The following ANKRD28 variants were observed in gnomAD, a reference collection of about 807,000 sequenced individuals.
The protein encoded by ANKRD28 is serine/threonine-protein phosphatase 6 regulatory ankyrin repeat subunit A.
In ANKRD28, 44 loss-of-function variants were observed where a neutral mutation model predicts 126.5. The ratio of observed to expected loss-of-function variants is 0.35; its 90% CI spans 0.27 to 0.45. ANKRD28 has a LOEUF of 0.45. ANKRD28 is among the 20% of genes least tolerant of loss of function. ANKRD28 has a pLI of 1.00. For synonymous variants in ANKRD28, 442 were observed against 468.5 expected, an observed-to-expected ratio of 0.94 and a Z score of 0.73; for missense variants, 1,110 against 1,316.6, an observed-to-expected ratio of 0.84 and a Z score of 2.43.
chr3:15,678,203 C>T lies in ANKRD28; in HGVS notation c.2707+6G>A. 1 of 1,603,950 alleles carries T rather than the reference C, an allele frequency of 6.2e-7. No homozygotes were observed. The highest frequency in any genetic ancestry group is 8.5e-7 in the Non-Finnish European group (1 of 1,177,158). On this transcript the variant is annotated splice_donor_region_variant and intron_variant, in intron 24 of 27. Coordinates refer to ENST00000683139, the MANE Select transcript of ANKRD28 (RefSeq NM_001349278.2). ...GGAAAATACAATTTTAAAGAAGTTT[C>T]TTTACCAACTGTATTTGTTTGTCCA...
chr3:15,776,296 C>T (rs148025157), intron 2 of ANKRD28, among the ~76,000 whole-genome samples: 83 of 152,160 alleles, frequency 5.5e-4, no homozygotes, highest in Middle Eastern at 3.4e-3. Flanking sequence ...TATAGAAATG[C>T]ACGCTTATGT....
At chr3:15,859,280 C>T in intron 1 of ANKRD28, 6 of 1,480,200 alleles carry the variant, frequency 4.1e-6, no homozygotes, top group Non-Finnish European at 5.4e-6. Context: ...TCGCAACCAC[C>T]CCGCCGAGCG....
At chr3:15,827,719 C>T (rs1345760124) in intron 1 of ANKRD28, among the ~76,000 whole-genome samples, 2 of 151,930 alleles carry the variant, frequency 1.3e-5, no homozygotes, top group Non-Finnish European at 2.9e-5. Flanking sequence ...CCACAGGCAA[C>T]AAAAGAAAAA....
At chr3:15,727,172 G>T (rs1440266711) in intron 6 of ANKRD28, among the ~76,000 whole-genome samples, 2 of 152,154 alleles carry the variant, frequency 1.3e-5, no homozygotes, top group Non-Finnish European at 2.9e-5. Context: ...AACTTTCAAA[G>T]TCTTATTATT....
intron 1 of ANKRD28, among the ~76,000 whole-genome samples, chr3:15,850,202 A>T (rs199929638): frequency 0.22 from 12,030 of 53,984 alleles, 1,464 homozygotes; most frequent in East Asian, 0.64. Context: ...AAAAAAAAAA[A>T]AAATATATAT....
rs2060746814 is a variant in ANKRD28 at position 15,812,915 on chromosome 3, G to A, written c.28-17609C>T. 6.6e-6 allele frequency among the ~76,000 whole-genome samples: 1 copy of A among 152,032 alleles called. No homozygotes were observed. The highest frequency in any genetic ancestry group is 6.6e-5 in the Admixed American group (1 of 15,260). On this transcript the variant is annotated intron_variant, in intron 1 of 27. Coordinates refer to the ANKRD28 transcript ENST00000399451. The surrounding 1 kb of genome is among the most constrained non-coding windows in gnomAD (Gnocchi z 4.1). ...TCTAAAAGGAACATGAATCCTGAAT[G>A]TGACCCGATTCACTCCAATTTGAAG...
At chr3:15,806,744 A>C (rs2060589239) in intron 1 of ANKRD28, among the ~76,000 whole-genome samples, 1 of 150,996 alleles carries the variant, frequency 6.6e-6, no homozygotes, top group African/African-American at 2.4e-5. Context: ...CTGCTCTTGA[A>C]CTCCTGACCT....
At chr3:15,738,429 G>C (rs965073308) in intron 4 of ANKRD28, 1 of 152,240 alleles carries the variant, frequency 6.6e-6, no homozygotes, top group Non-Finnish European at 1.5e-5. Context: ...GAGGCAGGGC[G>C]AGATCACAGG....
chr3:15,858,060 T>G (rs1261892896), intron 1 of ANKRD28, among the ~76,000 whole-genome samples: 3 of 152,242 alleles, frequency 2.0e-5, no homozygotes, highest in Non-Finnish European at 4.4e-5. Context: ...TGCTGTCCAG[T>G]AGAACTATCT....
intron 17 of ANKRD28, among the ~76,000 whole-genome samples, chr3:15,692,730 A>G (rs2068973236): frequency 6.6e-6 from 1 of 152,232 alleles, no homozygotes; most frequent in African/African-American, 2.4e-5. Flanking sequence ...ATGAAATGCA[A>G]AAGTGGTGGT....
rs2066041765 is a variant in ANKRD28, at chr3:15,667,479, G to C, written c.*2791C>G. 6.6e-6 allele frequency: 1 copy of C among 152,174 alleles called. No homozygotes were observed. Among genetic ancestry groups the C allele is most frequent in the Non-Finnish European group, 1.5e-5 (1 of 68,030 alleles). 9.4% of individuals were successfully genotyped at this position (152,174 alleles called of 1,614,324 possible). ...ATCTTTTATGTATAAGTTAAATAAA[G>C]CAAACAGGCTTTTCTACTCTGTGTG... On this transcript the variant is annotated 3_prime_UTR_variant, in exon 28 of 28. Coordinates refer to ENST00000683139, the MANE Select transcript of ANKRD28 (RefSeq NM_001349278.2).
chr3:15,714,532 G>GGA (rs556949925), intron 9 of ANKRD28, 46 bp downstream of exon 9: 15 of 1,085,198 alleles, frequency 1.4e-5, no homozygotes, highest in East Asian at 9.6e-5. Context: ...CTACATTTAA[G>GGA]AAAAAAAAAA....
intron 2 of ANKRD28, 27 bp from the exon 3 acceptor site, chr3:15,766,339 TAA>T (rs776165482): frequency 6.4e-7 from 1 of 1,553,014 alleles, no homozygotes; most frequent in Non-Finnish European, 8.8e-7. Context: ...AGGTGGGAAA[TAA>T]GTTTTAAAAT....
chr3:15,808,785 C>A (rs187118291), intron 1 of ANKRD28, among the ~76,000 whole-genome samples: 2 of 152,074 alleles, frequency 1.3e-5, no homozygotes, highest in South Asian at 2.1e-4. Flanking sequence ...TTAATTGTTT[C>A]GACCCACTGC....
In ANKRD28 at chr3:15,826,220, T is replaced by C. The variant is rs187825972; in HGVS notation, c.28-30914A>G. ...AAATAGATAAACAGCAGTTTATTTGTATCAGATATACAGCAACTATTATTT... is the reference window on the plus strand; with the variant it reads ...AAATAGATAAACAGCAGTTTATTTGCATCAGATATACAGCAACTATTATTT... On this transcript the variant is annotated intron_variant, in intron 1 of 27. Coordinates refer to the ANKRD28 transcript ENST00000399451. Among the ~76,000 whole-genome samples the C allele has an allele frequency of 5.3e-5, 8 of 152,362 alleles. No individual in the cohort carries two copies. The South Asian group carries it at 8.3e-4, about 16-fold the overall frequency.
intron 2 of ANKRD28, among the ~76,000 whole-genome samples, chr3:15,789,682 T>C (rs1226324366): frequency 2.0e-5 from 3 of 152,092 alleles, no homozygotes; most frequent in Non-Finnish European, 2.9e-5. Flanking sequence ...TCAATTATTA[T>C]ATCTGTGGCC....
At position 15,670,183 on chromosome 3, in the gene ANKRD28, G is replaced by T; in HGVS notation, c.*87C>A. On this transcript the variant is annotated 3_prime_UTR_variant, in exon 28 of 28. Coordinates refer to ENST00000683139, the MANE Select transcript of ANKRD28 (RefSeq NM_001349278.2). ...ACTGTGGGATCTTTCCTCTTAGGTT[G>T]AATTTCTACGTGAATATCAAAGTGC... 1 of 1,421,276 alleles carries T rather than the reference G, an allele frequency of 7.0e-7. No individual in the cohort carries two copies. Among genetic ancestry groups the T allele is most frequent in the South Asian group, 1.4e-5 (1 of 71,684 alleles). The allele number at this position is 1,421,276 out of a possible 1,614,324, so 88.0% of individuals were successfully genotyped here. A position where few individuals can be genotyped will look rare whatever the true frequency, so the allele number is the denominator to read the frequency against.
rs1490116253 is a variant in ANKRD28 at position 15,667,826 on chromosome 3, T to C, written c.*2444A>G. ...AACAGCATCATTTACATATAAGTGA[T>C]GCAGGATAGAAGTTCTGGTGTATGT... is the stretch of plus-strand genomic sequence containing the variant. On this transcript the variant is annotated 3_prime_UTR_variant, in exon 28 of 28. Transcript: ENST00000683139. The C allele has an allele frequency of 6.6e-6, 1 of 152,232 alleles. No homozygotes were observed. The highest frequency in any genetic ancestry group is 1.5e-5 in the Non-Finnish European group (1 of 68,038). The allele number at this position is 152,232 out of a possible 1,614,324, so 9.4% of individuals were successfully genotyped here.
Position 15,797,833 on chromosome 3 carries a change from T to C in ANKRD28, c.-1312A>G, listed in dbSNP as rs980746591. On this transcript the variant is annotated 5_prime_UTR_variant, in exon 1 of 28. Coordinates refer to ENST00000683139, the MANE Select transcript of ANKRD28 (RefSeq NM_001349278.2). ...GCAAAACACCACTGACATCCCCAAA[T>C]GAGTAGGTCCTTAAAAAATATCTAT... 1.0e-6 allele frequency: 1 copy of C among 985,252 alleles called. No homozygotes were observed. Among genetic ancestry groups the C allele is most frequent in the African/African-American group, 1.7e-5 (1 of 57,218 alleles). 61.0% of individuals were successfully genotyped at this position (985,252 alleles called of 1,614,324 possible). A position where few individuals can be genotyped will look rare whatever the true frequency, so the allele number is the denominator to read the frequency against.
Sources: gnomAD v4.1 joint callset for allele counts (sites outside exome capture counted in the v4.1 genomes callset) on GRCh38, gnomAD v4.1.1 for gene constraint, Gnocchi (gnomAD v3.1) non-coding constraint, MANE v1.5 for transcripts, NCBI Gene and HGNC (gene_info 2026-07-23, HGNC 2026-07-21) for gene names.